Variants in CTTNBP2NL observed in about 807,000 individuals in gnomAD.
CTTNBP2NL encodes CTTNBP2 N-terminal like.
CTTNBP2NL carries 16 observed loss-of-function variants against 32.5 expected under a neutral mutation model. The ratio of observed to expected loss-of-function variants is 0.49; its 90% CI spans 0.33 to 0.75. The LOEUF (loss-of-function observed/expected upper bound fraction) is 0.75, where lower values mean the gene tolerates loss of function less well. Among genes scored for constraint, CTTNBP2NL ranks in the 30% least tolerant of loss-of-function variants. The pLI is 0.02. For missense variants in CTTNBP2NL, 645 were observed against 756.0 expected (o/e 0.85, Z 1.72); for synonymous variants, 298 against 289.4 (o/e 1.03, Z -0.30).
At chr1:112,432,303 C>T (rs1024957166) in intron 3 of CTTNBP2NL, among the ~76,000 whole-genome samples, 4 of 151,946 alleles carry the variant, frequency 2.6e-5, no homozygotes, top group Non-Finnish European at 4.4e-5. Flanking sequence ...CTTCATGATC[C>T]GCCTGCCTTG....
chr1:112,396,137 A>C (rs934583148), upstream of CTTNBP2NL: 3 of 152,250 alleles, frequency 2.0e-5, no homozygotes, highest in African/African-American at 7.2e-5. Flanking sequence ...ATTGGGGCCG[A>C]GGCTGGAGAA....
intron 3 of CTTNBP2NL, among the ~76,000 whole-genome samples, chr1:112,438,239 C>G (rs1649796821): frequency 6.6e-6 from 1 of 152,006 alleles, no homozygotes; most frequent in African/African-American, 2.4e-5. Flanking sequence ...TTTTGTAATT[C>G]TCATTGTAGA....
chr1:112,401,482 A>G (rs1315017638), intron 1 of CTTNBP2NL, among the ~76,000 whole-genome samples: 1 of 152,216 alleles, frequency 6.6e-6, no homozygotes, highest in Non-Finnish European at 1.5e-5. Flanking sequence ...TGAATGTCAT[A>G]TAAATGGTTT....
intron 3 of CTTNBP2NL, among the ~76,000 whole-genome samples, chr1:112,424,297 T>C (rs1211357415): frequency 1.3e-5 from 2 of 152,210 alleles, no homozygotes; most frequent in Admixed American, 6.5e-5. Flanking sequence ...CCTTCCTCTT[T>C]AGAATGGTCT....
rs1338611171 is a variant in CTTNBP2NL, at chr1:112,432,772, T to A, written c.100-16170T>A. The stretch of plus-strand genomic sequence containing the variant: ...TATATTTAAAAAAAAAAAAAAAACC[T>A]TCTCAATCTTGCCATCCTTCTAAGT... On this transcript the variant is annotated intron_variant, in intron 3 of 5. Transcript: ENST00000271277. 2.0e-5 allele frequency among the ~76,000 whole-genome samples: 3 copies of A among 151,262 alleles called. No homozygotes were observed. In the East Asian group the frequency reaches 5.8e-4, roughly 29 times the overall value.
intron 3 of CTTNBP2NL, among the ~76,000 whole-genome samples, chr1:112,429,088 AGTGTTTCTAT>A (rs1475557824): frequency 6.6e-6 from 1 of 152,100 alleles, no homozygotes; most frequent in Non-Finnish European, 1.5e-5. Context: ...TGGTTTTCAG[AGTGTTTCTAT>A]GTGTGATATG....
intron 3 of CTTNBP2NL, among the ~76,000 whole-genome samples, chr1:112,440,270 T>C (rs951419855): frequency 7.2e-5 from 11 of 152,246 alleles, no homozygotes; most frequent in African/African-American, 2.7e-4. Context: ...TTTGTATATT[T>C]GATGTTAGAC....
At chr1:112,422,757 T>A (rs1649268666) in intron 3 of CTTNBP2NL, among the ~76,000 whole-genome samples, 3 of 152,192 alleles carry the variant, frequency 2.0e-5, no homozygotes, top group Non-Finnish European at 4.4e-5. Context: ...GCTTATTTGC[T>A]AATTTGCTCT....
rs200147649 is a variant in CTTNBP2NL, at chr1:112,457,178, G to T, written c.1686G>T (p.Leu562=). ...PGKVSSPLSP[L]SPGIKSPTIP... ...AAGTGTCCAGTCCCCTGAGCCCCCTGTCTCCAGGAATCAAGTCCCCAACCA... is the reference window on the plus strand; with the variant it reads ...AAGTGTCCAGTCCCCTGAGCCCCCTTTCTCCAGGAATCAAGTCCCCAACCA... Residue 562 remains leucine, a synonymous_variant, in exon 6 of 6, where the codon CTG becomes CTT. Transcript: ENST00000271277. 4.3e-6 allele frequency: 7 copies of T among 1,614,094 alleles called. No individual in the cohort carries two copies. Among genetic ancestry groups the T allele is most frequent in the East Asian group, 2.2e-5 (1 of 44,880 alleles).
chr1:112,450,874 G>A (rs1650196236), intron 4 of CTTNBP2NL, among the ~76,000 whole-genome samples: 1 of 150,314 alleles, frequency 6.7e-6, no homozygotes, highest in African/African-American at 2.5e-5. Context: ...TCAAGTTTAA[G>A]TGGTTTATCA....
intron 3 of CTTNBP2NL, among the ~76,000 whole-genome samples, chr1:112,448,648 G>A (rs549453606): frequency 1.2e-4 from 19 of 152,190 alleles, no homozygotes; most frequent in African/African-American, 4.6e-4. Flanking sequence ...TTTCTCATCA[G>A]CAAAATCGAG....
intron 3 of CTTNBP2NL, among the ~76,000 whole-genome samples, chr1:112,443,352 T>C (rs946390856): frequency 2.0e-5 from 3 of 152,170 alleles, no homozygotes; most frequent in Admixed American, 2.0e-4. Flanking sequence ...TATCTGGGAT[T>C]ACAGGCGTGT....
intron 2 of CTTNBP2NL, among the ~76,000 whole-genome samples, chr1:112,414,000 A>T (rs1648977387): frequency 6.6e-6 from 1 of 152,060 alleles, no homozygotes; most frequent in South Asian, 2.1e-4. Flanking sequence ...GTGAGCCAAG[A>T]CTGCACCATT....
chr1:112,444,160 GA>G (rs1479497409), intron 3 of CTTNBP2NL, among the ~76,000 whole-genome samples: 1 of 152,178 alleles, frequency 6.6e-6, no homozygotes, highest in East Asian at 1.9e-4. Flanking sequence ...CCTGAGTCTT[GA>G]AAATAAAACC....
At chr1:112,444,380 T>G (rs961653167) in intron 3 of CTTNBP2NL, among the ~76,000 whole-genome samples, 5 of 152,212 alleles carry the variant, frequency 3.3e-5, no homozygotes, top group African/African-American at 1.2e-4. Context: ...GCTGAAACTT[T>G]TGGAGAGCAA....
intron 3 of CTTNBP2NL, among the ~76,000 whole-genome samples, chr1:112,419,131 C>G (rs1355148418): frequency 6.6e-6 from 1 of 152,140 alleles, no homozygotes; most frequent in African/African-American, 2.4e-5. Context: ...GGGATATCCT[C>G]TTTTAAAACC....
At chr1:112,451,056 A>G (rs1303152680) in intron 4 of CTTNBP2NL, among the ~76,000 whole-genome samples, 1 of 152,016 alleles carries the variant, frequency 6.6e-6, no homozygotes, top group East Asian at 1.9e-4. Flanking sequence ...TGTGCTTACA[A>G]TGAAAAACAG....
chr1:112,427,844 C>A (rs1230608336), intron 3 of CTTNBP2NL, among the ~76,000 whole-genome samples: 3 of 147,402 alleles, frequency 2.0e-5, no homozygotes, highest in African/African-American at 7.5e-5. Flanking sequence ...TGCAGTGAGC[C>A]GAGATCGCGC....
At chr1:112,446,448 T>C (rs1460656470) in intron 3 of CTTNBP2NL, among the ~76,000 whole-genome samples, 7 of 152,238 alleles carry the variant, frequency 4.6e-5, no homozygotes, top group African/African-American at 1.7e-4. Context: ...ATAGCTGAAT[T>C]TAAAGAAACA....
Sources: gnomAD v4.1 joint callset for allele counts (sites outside exome capture counted in the v4.1 genomes callset) on GRCh38, gnomAD v4.1.1 for gene constraint, MANE v1.5 for transcripts, NCBI Gene and HGNC (gene_info 2026-07-23, HGNC 2026-07-21) for gene names.